LRRC8B: variants seen among roughly 807,000 people sequenced by gnomAD.
The protein encoded by LRRC8B is leucine rich repeat containing 8 VRAC subunit B.
A neutral mutation model predicts 58.8 loss-of-function variants in LRRC8B; 23 were observed. That is an observed-to-expected ratio of 0.39 (90% CI 0.28 to 0.55). LRRC8B has a LOEUF of 0.55. LRRC8B is among the 20% of genes least tolerant of loss of function. The pLI, the probability that LRRC8B is intolerant of heterozygous loss-of-function variation, is 0.62. For missense variants in LRRC8B, 694 were observed against 936.0 expected (o/e 0.74, Z 3.37); for synonymous variants, 359 against 374.1 (o/e 0.96, Z 0.47).
At chr1:89,577,680 TA>T (rs1653949984) in intron 3 of LRRC8B, among the ~76,000 whole-genome samples, 1 of 152,204 alleles carries the variant, frequency 6.6e-6, no homozygotes, top group Non-Finnish European at 1.5e-5. Flanking sequence ...GTTTTATATA[TA>T]CTTAAATCCA....
chr1:89,525,192 A>G (rs1649568344), intron 1 of LRRC8B, among the ~76,000 whole-genome samples, 170 bp downstream of exon 1: 1 of 152,354 alleles, frequency 6.6e-6, no homozygotes, highest in Admixed American at 6.5e-5. Flanking sequence ...GCGCGGCTGC[A>G]GAGACGAGTG....
chr1:89,559,643 C>T (rs1397828697), intron 1 of LRRC8B, among the ~76,000 whole-genome samples: 1 of 150,968 alleles, frequency 6.6e-6, no homozygotes, highest in Non-Finnish European at 1.5e-5. Flanking sequence ...CACACACACA[C>T]ACACACACAT....
rs114269399 is a variant in LRRC8B at position 89,547,198 on chromosome 1, G to T, written c.-240-21049G>T. On this transcript the variant is annotated intron_variant, in intron 1 of 5. Transcript: ENST00000330947. Reference sequence around the variant, plus strand: ...TGTTGGTACTTTGAAATTGGCCATGGTGGGAATCATGGAAAATGGCAAAGA... The same window carrying T: ...TGTTGGTACTTTGAAATTGGCCATGTTGGGAATCATGGAAAATGGCAAAGA... Among the ~76,000 whole-genome samples the T allele has an allele frequency of 3.9e-3, 583 of 150,306 alleles. 5 individuals carry two copies. Among genetic ancestry groups the T allele is most frequent in the African/African-American group, 0.014 (552 of 40,812 alleles).
At position 89,593,293 on chromosome 1, in the gene LRRC8B, C is replaced by T; in HGVS notation, c.*250C>T. On this transcript the variant is annotated 3_prime_UTR_variant, in exon 6 of 6. Transcript: ENST00000330947. ...TTGGGAGGCTGACGCAGGGGAATTGCTTGAACCAGGGAGGTGGAGGTTGCA... is the reference window on the plus strand; with the variant it reads ...TTGGGAGGCTGACGCAGGGGAATTGTTTGAACCAGGGAGGTGGAGGTTGCA... 2.5e-6 allele frequency: 1 copy of T among 401,954 alleles called. No individual in the cohort carries two copies. The highest frequency in any genetic ancestry group is 3.8e-5 in the Admixed American group (1 of 26,316). 24.9% of individuals were successfully genotyped at this position (401,954 alleles called of 1,614,324 possible).
chr1:89,574,251 A>G (rs1037857280), intron 3 of LRRC8B, among the ~76,000 whole-genome samples: 2 of 152,258 alleles, frequency 1.3e-5, no homozygotes, highest in Non-Finnish European at 2.9e-5. Context: ...ATGAGAAATT[A>G]TGAATTGTTA....
intron 1 of LRRC8B, among the ~76,000 whole-genome samples, chr1:89,546,666 A>G (rs1651427428): frequency 6.6e-6 from 1 of 152,236 alleles, no homozygotes; most frequent in African/African-American, 2.4e-5. Flanking sequence ...TAGTGATATG[A>G]AGGTACATAA....
chr1:89,527,517 T>G (rs1468809993), intron 1 of LRRC8B, among the ~76,000 whole-genome samples: 1 of 152,254 alleles, frequency 6.6e-6, no homozygotes, highest in Non-Finnish European at 1.5e-5. Flanking sequence ...CTGTGACCAT[T>G]CAAGAGGAAT....
intron 5 of LRRC8B, chr1:89,587,892 G>A (rs1456917888): frequency 1.3e-5 from 2 of 152,220 alleles, no homozygotes; most frequent in Non-Finnish European, 2.9e-5. Context: ...ATACACTGAC[G>A]AGGACCTTAC....
chr1:89,597,178 G>A lies in LRRC8B; in HGVS notation c.*4135G>A, dbSNP rs1655341003. ...TGTCCATCACTTCTGTATCCACAGG[G>A]AGCTATCTACTACATACCTTTGGTA... On this transcript the variant is annotated 3_prime_UTR_variant, in exon 6 of 6. Coordinates refer to ENST00000330947, the MANE Select transcript of LRRC8B (RefSeq NM_001369817.2). 6.6e-6 allele frequency: 1 copy of A among 152,132 alleles called. No homozygotes were observed. Among genetic ancestry groups the A allele is most frequent in the Non-Finnish European group, 1.5e-5 (1 of 68,016 alleles). The allele number at this position is 152,132 out of a possible 1,614,324, so 9.4% of individuals were successfully genotyped here.
chr1:89,574,110 C>T (rs538535369), intron 3 of LRRC8B, among the ~76,000 whole-genome samples: 2 of 152,352 alleles, frequency 1.3e-5, no homozygotes, highest in East Asian at 3.9e-4. Flanking sequence ...CCCTGGTCGA[C>T]AGCCGAAGCT....
intron 1 of LRRC8B, among the ~76,000 whole-genome samples, chr1:89,530,876 C>T (rs966653586): frequency 1.3e-5 from 2 of 152,062 alleles, no homozygotes; most frequent in Admixed American, 6.6e-5. Context: ...CTTGCCGTGT[C>T]CTGCTGAGCT....
chr1:89,531,158 ATTT>A (rs1342828824), intron 1 of LRRC8B, among the ~76,000 whole-genome samples: 23 of 152,184 alleles, frequency 1.5e-4, no homozygotes, highest in African/African-American at 5.1e-4. Flanking sequence ...TCCTGGCCCT[ATTT>A]CAATGCTAAA....
chr1:89,579,298 G>A (rs1424332627), intron 3 of LRRC8B, among the ~76,000 whole-genome samples: 1 of 152,170 alleles, frequency 6.6e-6, no homozygotes, highest in Non-Finnish European at 1.5e-5. Context: ...GGAAGTTCAG[G>A]GAGTGAGTAT....
intron 4 of LRRC8B, among the ~76,000 whole-genome samples, 173 bp downstream of exon 4, chr1:89,579,861 G>A (rs1405077294): frequency 6.6e-6 from 1 of 152,086 alleles, no homozygotes; most frequent in Non-Finnish European, 1.5e-5. Flanking sequence ...ACCTTTGAGA[G>A]GACAAATGAA....
chr1:89,526,346 C>G (rs779791749), intron 1 of LRRC8B, among the ~76,000 whole-genome samples: 4 of 152,194 alleles, frequency 2.6e-5, no homozygotes, highest in African/African-American at 9.7e-5. Flanking sequence ...TCCCGAGTAG[C>G]GGGGACTACA....
At chr1:89,547,806 G>A (rs980043338) in intron 1 of LRRC8B, among the ~76,000 whole-genome samples, 10 of 152,174 alleles carry the variant, frequency 6.6e-5, no homozygotes, top group Non-Finnish European at 1.2e-4. Flanking sequence ...CATAGTGGGC[G>A]GGGAGGGGAG....
intron 3 of LRRC8B, among the ~76,000 whole-genome samples, chr1:89,568,963 G>A (rs1487128556): frequency 6.6e-6 from 1 of 152,144 alleles, no homozygotes; most frequent in East Asian, 1.9e-4. Flanking sequence ...AAATAAACAA[G>A]CCCTATACTC....
chr1:89,547,887 G>T (rs932180887), intron 1 of LRRC8B, among the ~76,000 whole-genome samples: 1 of 152,172 alleles, frequency 6.6e-6, no homozygotes, highest in African/African-American at 2.4e-5. Context: ...AGGGAAAAAT[G>T]AATCAAGTAA....
intron 1 of LRRC8B, among the ~76,000 whole-genome samples, chr1:89,559,762 TA>T (rs1182123169): frequency 6.6e-6 from 1 of 152,164 alleles, no homozygotes; most frequent in East Asian, 1.9e-4. Flanking sequence ...TGTAAACATA[TA>T]AATAAATTTT....
Sources: gnomAD v4.1 joint callset for allele counts (sites outside exome capture counted in the v4.1 genomes callset) on GRCh38, gnomAD v4.1.1 for gene constraint, MANE v1.5 for transcripts, NCBI Gene and HGNC (gene_info 2026-07-23, HGNC 2026-07-21) for gene names.